The following RAB3IL1 variants were observed in gnomAD, a reference collection of about 807,000 sequenced individuals.
The protein encoded by RAB3IL1 is RAB3A interacting protein like 1, also known as guanine nucleotide exchange factor for Rab-3A.
In RAB3IL1, 37 loss-of-function variants were observed where a neutral mutation model predicts 49.2. The ratio of observed to expected loss-of-function variants is 0.75; its 90% CI spans 0.58 to 0.99. The LOEUF (loss-of-function observed/expected upper bound fraction) is 0.99. RAB3IL1 is among the 50% of genes least tolerant of loss of function. RAB3IL1 has a pLI of 0.00. For missense variants in RAB3IL1, 484 were observed against 513.0 expected, an observed-to-expected ratio of 0.94 and a Z score of 0.55; for synonymous variants, 193 against 213.9, an observed-to-expected ratio of 0.90 and a Z score of 0.85.
At chr11:61,934,327 C>T in the RAB3IL1 span, among the ~76,000 whole-genome samples, 3 of 129,638 alleles carry the variant, frequency 2.3e-5, no homozygotes, top group East Asian at 2.2e-4. Flanking sequence ...TATACACACA[C>T]ACACACACAC....
the RAB3IL1 span, among the ~76,000 whole-genome samples, chr11:61,942,506 T>C: frequency 6.6e-6 from 1 of 151,874 alleles, no homozygotes. Flanking sequence ...ACACCTGAGC[T>C]CAAACAATTC....
At chr11:61,922,885 C>T (rs975729280), upstream of RAB3IL1, among the ~76,000 whole-genome samples, 1 of 152,206 alleles carries the variant, frequency 6.6e-6, no homozygotes, top group African/African-American at 2.4e-5. Context: ...TTCTCCTGTG[C>T]CCCCACCTTC....
the RAB3IL1 span, chr11:61,945,793 A>G: frequency 1.0e-6 from 1 of 985,404 alleles, no homozygotes; most frequent in Non-Finnish European, 1.2e-6. Flanking sequence ...GCAGCCTGGC[A>G]GAGTCCATGG....
the RAB3IL1 span, among the ~76,000 whole-genome samples, chr11:61,939,358 C>T: frequency 6.6e-6 from 1 of 151,936 alleles, no homozygotes; most frequent in African/African-American, 2.4e-5. Flanking sequence ...CAAAACTTAT[C>T]GAATACAGCA....
At chr11:61,901,169 T>C (rs7125405) in intron 8 of RAB3IL1, among the ~76,000 whole-genome samples, 146,210 of 152,278 alleles carry the variant, frequency 0.96, 70,465 homozygotes, top group Non-Finnish European at 1. Context: ...CCTGCTCCCC[T>C]GCGAGGAGCC....
the RAB3IL1 span, among the ~76,000 whole-genome samples, chr11:61,927,422 G>C: frequency 3.3e-5 from 5 of 152,144 alleles, no homozygotes; most frequent in African/African-American, 1.2e-4. Context: ...ACAAGGATAG[G>C]GGAAGTGCAA....
chr11:61,911,197 C>G (rs1939439835), intron 1 of RAB3IL1, among the ~76,000 whole-genome samples: 1 of 152,198 alleles, frequency 6.6e-6, no homozygotes, highest in South Asian at 2.1e-4. Context: ...GACATCCTTC[C>G]CATCACCCCC....
At chr11:61,911,311 G>A (rs577153588) in intron 1 of RAB3IL1, among the ~76,000 whole-genome samples, 2 of 152,332 alleles carry the variant, frequency 1.3e-5, no homozygotes, top group African/African-American at 2.4e-5. Flanking sequence ...AAGGTGGCAG[G>A]AGCAGGAGGG....
At chr11:61,929,193 A>G in the RAB3IL1 span, among the ~76,000 whole-genome samples, 1 of 152,106 alleles carries the variant, frequency 6.6e-6, no homozygotes, top group Admixed American at 6.6e-5. Context: ...TCTTGTAGCT[A>G]TTTTGACATA....
intron 5 of RAB3IL1, among the ~76,000 whole-genome samples, chr11:61,905,445 G>C (rs1409990529): frequency 6.6e-6 from 1 of 152,136 alleles, no homozygotes; most frequent in Non-Finnish European, 1.5e-5. Flanking sequence ...GGGCTCCCCA[G>C]GTGGGAGCGG....
chr11:61,904,411 C>T, intron 7 of RAB3IL1, 135 bp downstream of exon 7: 1 of 914,938 alleles, frequency 1.1e-6, no homozygotes, highest in East Asian at 2.6e-5. Context: ...CAAACTGCCT[C>T]CTTGCCCTGT....
At chr11:61,946,228 C>T in the RAB3IL1 span, among the ~76,000 whole-genome samples, 7 of 152,174 alleles carry the variant, frequency 4.6e-5, no homozygotes, top group Non-Finnish European at 7.4e-5. Context: ...AGCATCCAGG[C>T]CTGGCTGACT....
At position 61,917,423 on chromosome 11, in the gene RAB3IL1, C is replaced by T. The variant is rs1939747534; in HGVS notation, c.-56G>A. 3 of 1,202,884 alleles carry T rather than the reference C, an allele frequency of 2.5e-6. No homozygotes were observed. In the South Asian group the frequency reaches 1.2e-4, roughly 49 times the overall value. The allele number at this position is 1,202,884 out of a possible 1,614,324, so 74.5% of individuals were successfully genotyped here. The stretch of plus-strand genomic sequence containing the variant: ...TCCCAGCGCCGCCGCGTCCTCCCAG[C>T]GCCGCGTCCCCGCCCGCCGCCGACT... On this transcript the variant is annotated 5_prime_UTR_variant, in exon 1 of 10. Coordinates refer to ENST00000394836, the MANE Select transcript of RAB3IL1 (RefSeq NM_013401.4).
At chr11:61,917,638 G>C (rs1477384880), upstream of RAB3IL1, 9 of 939,152 alleles carry the variant, frequency 9.6e-6, 1 homozygote, top group Admixed American at 5.3e-4. Flanking sequence ...GCTGGGATCC[G>C]GCGCGCGCTC....
At chr11:61,913,294 C>A (rs1939540672) in intron 1 of RAB3IL1, among the ~76,000 whole-genome samples, 1 of 152,082 alleles carries the variant, frequency 6.6e-6, no homozygotes, top group African/African-American at 2.4e-5. Flanking sequence ...GGCCAGGAAC[C>A]AATGAGCTCA....
the RAB3IL1 span, among the ~76,000 whole-genome samples, chr11:61,931,349 A>G: frequency 1.3e-5 from 2 of 152,314 alleles, no homozygotes; most frequent in Non-Finnish European, 2.9e-5. Context: ...TCACTCAGTC[A>G]CCAGGAGGGT....
intron 1 of RAB3IL1, 93 bp downstream of exon 1, chr11:61,917,264 C>T: frequency 7.5e-7 from 1 of 1,330,216 alleles, no homozygotes; most frequent in Non-Finnish European, 9.6e-7. Flanking sequence ...CGGGTGGCGG[C>T]GCAGACCCGG....
At chr11:61,920,152 C>A, upstream of RAB3IL1, 1 of 1,332,576 alleles carries the variant, frequency 7.5e-7, no homozygotes, top group Non-Finnish European at 9.7e-7. Context: ...GGGACATGTC[C>A]CTCGGGCGGG....
At chr11:61,901,502 T>G (rs1761195495) in intron 8 of RAB3IL1, among the ~76,000 whole-genome samples, 3 of 152,198 alleles carry the variant, frequency 2.0e-5, no homozygotes, top group African/African-American at 7.2e-5. Flanking sequence ...TAACTGGAAC[T>G]CTAGCATCAC....
Sources: gnomAD v4.1 joint callset for allele counts (sites outside exome capture counted in the v4.1 genomes callset) on GRCh38, gnomAD v4.1.1 for gene constraint, MANE v1.5 for transcripts, NCBI Gene and HGNC (gene_info 2026-07-23, HGNC 2026-07-21) for gene names.